SAR1B: variants seen among roughly 807,000 people sequenced by gnomAD.
SAR1B encodes the protein small COPII coat GTPase SAR1B.
Under a neutral mutation model 26.8 loss-of-function variants are expected in SAR1B, and 23 were observed. The ratio of observed to expected loss-of-function variants is 0.86; its 90% confidence interval spans 0.62 to 1.22. The LOEUF (loss-of-function observed/expected upper bound fraction) is 1.22, where lower values mean the gene tolerates loss of function less well. SAR1B is among the 50% of genes most tolerant of loss of function. The pLI is 0.00. For missense variants in SAR1B, 196 were observed against 232.8 expected (o/e 0.84, Z 1.03); for synonymous variants, 65 against 80.8 (o/e 0.80, Z 1.05).
Position 134,626,298 on chromosome 5 carries a change from C to CAAAAAA in SAR1B, c.-18-2267_-18-2262dup, listed in dbSNP as rs35668627. Among the ~76,000 whole-genome samples the CAAAAAA allele has an allele frequency of 1.2e-3, 62 of 53,120 alleles. 2 individuals are homozygous for CAAAAAA. Among genetic ancestry groups the CAAAAAA allele is most frequent in the African/African-American group, 3.1e-3 (51 of 16,312 alleles). 34.8% of individuals were successfully genotyped at this position (53,120 alleles called of 152,430 possible). A position where few individuals can be genotyped will look rare whatever the true frequency, so the allele number is the denominator to read the frequency against. The stretch of plus-strand genomic sequence containing the variant: ...TGGGCCACAGAGCAAGACTCTGCCT[C>CAAAAAA]AAAAAAAAAAAAAAAAAAAAAAAAA... On this transcript the variant is annotated intron_variant, in intron 1 of 6. Coordinates refer to ENST00000402673, the MANE Select transcript of SAR1B (RefSeq NM_016103.4).
intron 4 of SAR1B, among the ~76,000 whole-genome samples, chr5:134,611,775 G>C (rs762672787): frequency 6.6e-6 from 1 of 152,114 alleles, no homozygotes; most frequent in African/African-American, 2.4e-5. Context: ...ACTCATGTGC[G>C]GATGGGGATG....
In SAR1B at chr5:134,620,355, A is replaced by T. The variant is rs545278039; in HGVS notation, c.178+578T>A. Among the ~76,000 whole-genome samples, 33 of 152,238 alleles carry T rather than the reference A, an allele frequency of 2.2e-4. 1 individual carries two copies. The highest frequency in any genetic ancestry group is 1.9e-3 in the Admixed American group (29 of 15,276). ...AAATTCAGGTTATGTAAACAAGGCG[A>T]TGGTGGACTATTTACCAATCATGTC... On this transcript the variant is annotated intron_variant, in intron 3 of 6. Transcript: ENST00000402673.
rs368865443 is a variant in SAR1B at position 134,609,949 on chromosome 5, T to TA, written c.245-276dup. The stretch of plus-strand genomic sequence containing the variant: ...AGAATATTTAAAATAAAAATAAAAA[T>TA]AAAAAAAAATACACGTTAAGTTCAT... On this transcript the variant is annotated intron_variant, in intron 4 of 6. Transcript: ENST00000402673. Among the ~76,000 whole-genome samples, 33 of 149,296 alleles carry TA rather than the reference T, an allele frequency of 2.2e-4. No homozygotes were observed. In the East Asian group the frequency reaches 3.3e-3, roughly 15 times the overall value.
Position 134,612,675 on chromosome 5 carries a change from AAAAAAAGAAT to A in SAR1B, c.244+6_244+15del. The A allele has an allele frequency of 8.7e-7, 1 of 1,148,882 alleles. No homozygotes were observed. The highest frequency in any genetic ancestry group is 1.2e-6 in the Non-Finnish European group (1 of 839,608). The allele number at this position is 1,148,882 out of a possible 1,614,324, so 71.2% of individuals were successfully genotyped here. ...AAAAAAAAAAAAAAAAAAAAAAAAA[AAAAAAAGAAT>A]CTTACCTTGAACATGTCCACCCAGA... On this transcript the variant is annotated splice_donor_region_variant and intron_variant, in intron 4 of 6. Transcript: ENST00000402673.
At chr5:134,624,625 GTTTTTTTT>G (rs66854508) in intron 1 of SAR1B, among the ~76,000 whole-genome samples, 1 of 113,274 alleles carries the variant, frequency 8.8e-6, no homozygotes, top group Non-Finnish European at 1.9e-5. Flanking sequence ...AGGGAAGTGA[GTTTTTTTT>G]TTTTTTTTTT....
chr5:134,620,568 A>G (rs1765388373), intron 3 of SAR1B, among the ~76,000 whole-genome samples: 1 of 152,122 alleles, frequency 6.6e-6, no homozygotes, highest in African/African-American at 2.4e-5. Flanking sequence ...TGCCCCCCAA[A>G]CAAAAAACTT....
At chr5:134,627,341 G>T (rs1231425282) in intron 1 of SAR1B, among the ~76,000 whole-genome samples, 1 of 149,874 alleles carries the variant, frequency 6.7e-6, no homozygotes, top group Non-Finnish European at 1.5e-5. Context: ...GTGAGCCACC[G>T]CGCCCCGCCA....
chr5:134,622,541 G>T (rs925383494), intron 2 of SAR1B, among the ~76,000 whole-genome samples: 4 of 150,978 alleles, frequency 2.6e-5, no homozygotes, highest in Non-Finnish European at 5.9e-5. Context: ...CTCCCAAGTA[G>T]CTGGGACTAC....
Position 134,624,030 on chromosome 5 carries a change from G to C in SAR1B, c.-11C>G. 1 of 1,593,024 alleles carries C rather than the reference G, an allele frequency of 6.3e-7. No homozygotes were observed. The highest frequency in any genetic ancestry group is 8.6e-7 in the Non-Finnish European group (1 of 1,160,898). ...AAATATGAAGGACATATCCAAATCT[G>C]ATAGGGTCTGAAAAAAAAGAGTTTG... On this transcript the variant is annotated 5_prime_UTR_variant, in exon 2 of 7. In the 5' UTR this introduces an upstream ATG that the reference lacks. Coordinates refer to ENST00000402673, the MANE Select transcript of SAR1B (RefSeq NM_016103.4).
At chr5:134,622,080 C>T (rs951913581) in intron 2 of SAR1B, among the ~76,000 whole-genome samples, 1 of 152,150 alleles carries the variant, frequency 6.6e-6, no homozygotes, top group African/African-American at 2.4e-5. Context: ...ATGTGAGCCA[C>T]CACACCTGAC....
At chr5:134,624,143 T>G in intron 1 of SAR1B, 106 bp from the exon 2 acceptor site, 3 of 736,782 alleles carry the variant, frequency 4.1e-6, no homozygotes, top group Non-Finnish European at 7.4e-6. Flanking sequence ...TACAGCAACT[T>G]TACTACAAAG....
chr5:134,619,190 G>T (rs889362759), intron 3 of SAR1B, among the ~76,000 whole-genome samples: 1 of 150,956 alleles, frequency 6.6e-6, no homozygotes, highest in Admixed American at 6.6e-5. Flanking sequence ...CATTAGCTGG[G>T]TGTGGTAGCA....
At chr5:134,611,520 A>G (rs1453997852) in intron 4 of SAR1B, among the ~76,000 whole-genome samples, 1 of 151,784 alleles carries the variant, frequency 6.6e-6, no homozygotes, top group East Asian at 2.0e-4. Context: ...CAGGACTTCA[A>G]AATCAGCCTG....
intron 3 of SAR1B, among the ~76,000 whole-genome samples, chr5:134,620,559 G>A (rs991358643): frequency 1.3e-5 from 2 of 152,044 alleles, no homozygotes; most frequent in Non-Finnish European, 2.9e-5. Flanking sequence ...ACCAGAAAAT[G>A]CCCCCCAAAC....
In SAR1B at chr5:134,601,390, C is replaced by T. The variant is rs1174168797; in HGVS notation, c.*5560G>A. The T allele has an allele frequency of 1.3e-5, 2 of 152,154 alleles. No individual in the cohort carries two copies. Among genetic ancestry groups the T allele is most frequent in the Non-Finnish European group, 2.9e-5 (2 of 68,030 alleles). The allele number at this position is 152,154 out of a possible 1,614,324, so 9.4% of individuals were successfully genotyped here. A position where few individuals can be genotyped will look rare whatever the true frequency, so the allele number is the denominator to read the frequency against. On this transcript the variant is annotated 3_prime_UTR_variant, in exon 7 of 7. Coordinates refer to ENST00000402673, the MANE Select transcript of SAR1B (RefSeq NM_016103.4). The stretch of plus-strand genomic sequence containing the variant: ...GAAAATTCACACCAAGATCCTAGTG[C>T]AAGCAGTGGTGTACAAAAGTGCAAA...
In SAR1B at chr5:134,606,906, G is replaced by C. The variant is rs774221749; in HGVS notation, c.*44C>G. ...ATGCATGTTGAGCAATCAAATCTCT[G>C]AGTAAGCCTGAACGTTGAGACCTGG... On this transcript the variant is annotated 3_prime_UTR_variant, in exon 7 of 7. Coordinates refer to ENST00000402673, the MANE Select transcript of SAR1B (RefSeq NM_016103.4). 4 of 1,248,010 alleles carry C rather than the reference G, an allele frequency of 3.2e-6. No individual in the cohort carries two copies. In the Admixed American group the frequency reaches 6.7e-5, roughly 21 times the overall value. 77.3% of individuals were successfully genotyped at this position (1,248,010 alleles called of 1,614,324 possible).
In SAR1B at chr5:134,608,473, C is replaced by G. The variant is rs1580645978; in HGVS notation, c.379G>C (p.Val127Leu). The change falls in exon 6 of 7, where the codon GTG (valine) becomes CTG (leucine). Residue 127 changes from valine (V) to leucine (L), a missense_variant. Transcript: ENST00000402673. ...TTATTCCCAAGAATCAGTATAGGCA[C>G]ATTAGCAATGGTTTCATCTGTCATT... is the stretch of plus-strand genomic sequence containing the variant. ...SLMTDETIAN[V>L]PILILGNKID... 8 of 1,611,934 alleles carry G rather than the reference C, an allele frequency of 5.0e-6. No individual in the cohort carries two copies. Among genetic ancestry groups the G allele is most frequent in the Non-Finnish European group, 6.8e-6 (8 of 1,179,324 alleles).
At chr5:134,632,623 C>G (rs1765628205) in intron 1 of SAR1B, 105 bp downstream of exon 1, 1 of 152,444 alleles carries the variant, frequency 6.6e-6, no homozygotes, top group African/African-American at 2.4e-5. Context: ...TCACGCAGTG[C>G]CACAGGCAGG....
At position 134,606,335 on chromosome 5, in the gene SAR1B, C is replaced by T. The variant is rs1765127571; in HGVS notation, c.*615G>A. Reference sequence around the variant, plus strand: ...ATTCTGAAGGAATCTCCTTTCCCAACAACCACTTCATATGCCTAATATTAA... The same window carrying T: ...ATTCTGAAGGAATCTCCTTTCCCAATAACCACTTCATATGCCTAATATTAA... On this transcript the variant is annotated 3_prime_UTR_variant, in exon 7 of 7. Coordinates refer to ENST00000402673, the MANE Select transcript of SAR1B (RefSeq NM_016103.4). 6.5e-6 allele frequency: 1 copy of T among 154,482 alleles called. No homozygotes were observed. Among genetic ancestry groups the T allele is most frequent in the Admixed American group, 6.4e-5 (1 of 15,680 alleles). The allele number at this position is 154,482 out of a possible 1,614,324, so 9.6% of individuals were successfully genotyped here.
Sources: gnomAD v4.1 joint callset for allele counts (sites outside exome capture counted in the v4.1 genomes callset) on GRCh38, gnomAD v4.1.1 for gene constraint, MANE v1.5 for transcripts, NCBI Gene and HGNC (gene_info 2026-07-23, HGNC 2026-07-21) for gene names.